PAX7: variants seen among roughly 807,000 people sequenced by gnomAD.
PAX7 encodes the protein paired box protein Pax-7.
A neutral mutation model predicts 50.7 loss-of-function variants in PAX7; 18 were observed. The observed-to-expected ratio is 0.36, with a 90% CI of 0.25 to 0.53. The LOEUF is 0.53. PAX7 is among the 20% of genes least tolerant of loss of function. PAX7 has a pLI of 0.93. For missense variants in PAX7, 644 were observed against 702.9 expected, an observed-to-expected ratio of 0.92 and a Z score of 0.95; for synonymous variants, 310 against 290.4, an observed-to-expected ratio of 1.07 and a Z score of -0.69.
chr1:18,732,510 C>T (rs557461126), intron 7 of PAX7, among the ~76,000 whole-genome samples: 1 of 152,278 alleles, frequency 6.6e-6, no homozygotes, highest in Non-Finnish European at 1.5e-5. Flanking sequence ...CATAGTAGCA[C>T]CCTATGAAAT....
At chr1:18,664,618 C>A (rs1031345503) in intron 4 of PAX7, among the ~76,000 whole-genome samples, 1 of 152,128 alleles carries the variant, frequency 6.6e-6, no homozygotes, top group Non-Finnish European at 1.5e-5. Context: ...ATGGGGAAAT[C>A]GAGAGGCTCA....
At position 18,745,139 on chromosome 1, in the gene PAX7, C is replaced by T. The variant is rs1019248828; in HGVS notation, c.*210C>T. On this transcript the variant is annotated 3_prime_UTR_variant, in exon 9 of 9. Coordinates refer to ENST00000420770, the MANE Select transcript of PAX7 (RefSeq NM_001135254.2). ...CAGAGTGATGCCCTTGGAGTCTGCT[C>T]CCCACTTTCCCCAAGGAGGGTTTCT... is the stretch of plus-strand genomic sequence containing the variant. The T allele has an allele frequency of 1.9e-5, 11 of 574,126 alleles. No individual in the cohort carries two copies. Among genetic ancestry groups the T allele is most frequent in the African/African-American group, 9.4e-5 (5 of 53,396 alleles). The allele number at this position is 574,126 out of a possible 1,614,324, so 35.6% of individuals were successfully genotyped here.
chr1:18,740,100 G>A lies in PAX7; in HGVS notation c.1402+4222G>A, dbSNP rs113857935. ...TTTGAGACATTTAGAGCCCAGCCACGGGCGCGAGGCAGAAGAGGGGAGATG... is the reference window on the plus strand; with the variant it reads ...TTTGAGACATTTAGAGCCCAGCCACAGGCGCGAGGCAGAAGAGGGGAGATG... On this transcript the variant is annotated intron_variant, in intron 8 of 8. Coordinates refer to ENST00000420770, the MANE Select transcript of PAX7 (RefSeq NM_001135254.2). Among the ~76,000 whole-genome samples, 1,291 of 152,286 alleles carry A rather than the reference G, an allele frequency of 8.5e-3. 13 individuals are homozygous for A. Among genetic ancestry groups the A allele is most frequent in the African/African-American group, 0.029 (1,191 of 41,544 alleles).
chr1:18,707,406 T>TCC (rs1343728573), intron 7 of PAX7, among the ~76,000 whole-genome samples: 1 of 102,664 alleles, frequency 9.7e-6, no homozygotes, highest in Non-Finnish European at 1.8e-5. Flanking sequence ...TCCTTTTCTT[T>TCC]TTTTCTTTCT....
chr1:18,708,556 AAATT>A (rs576689771), intron 7 of PAX7, among the ~76,000 whole-genome samples: 94 of 152,230 alleles, frequency 6.2e-4, no homozygotes, highest in Admixed American at 1.6e-3. Context: ...CCCTGTCTCA[AAATT>A]AATTAATTAA....
intron 4 of PAX7, among the ~76,000 whole-genome samples, chr1:18,680,079 T>G (rs971613565): frequency 6.6e-6 from 1 of 152,200 alleles, no homozygotes; most frequent in Non-Finnish European, 1.5e-5. Flanking sequence ...GTCCTCATTT[T>G]ACAGATGAGG....
intron 7 of PAX7, among the ~76,000 whole-genome samples, chr1:18,733,853 G>C (rs1390501109): frequency 6.6e-6 from 1 of 152,214 alleles, no homozygotes. Flanking sequence ...ACTGAGCCCT[G>C]GGCCTGCTGT....
chr1:18,689,946 T>C (rs948479316), intron 4 of PAX7, among the ~76,000 whole-genome samples: 1 of 152,084 alleles, frequency 6.6e-6, no homozygotes, highest in Non-Finnish European at 1.5e-5. Context: ...CTTGAAGCGA[T>C]TGGGAGGAAG....
intron 7 of PAX7, among the ~76,000 whole-genome samples, chr1:18,703,516 T>A (rs1017748483): frequency 9.9e-5 from 15 of 152,278 alleles, no homozygotes; most frequent in African/African-American, 3.4e-4. Context: ...GTCCTATTGG[T>A]GGAGAGAATT....
intron 7 of PAX7, among the ~76,000 whole-genome samples, chr1:18,725,311 CCG>C (rs1491407371): frequency 0.28 from 19,964 of 71,886 alleles, 2,909 homozygotes; most frequent in African/African-American, 0.49. Flanking sequence ...CGCCCCCCCC[CCG>C]CCCCACCAAC....
intron 5 of PAX7, among the ~76,000 whole-genome samples, chr1:18,697,058 TA>T (rs981043747): frequency 6.6e-6 from 1 of 151,616 alleles, no homozygotes; most frequent in African/African-American, 2.4e-5. Context: ...AACTAAAACT[TA>T]AAAAAAAGAT....
At chr1:18,704,389 G>A (rs1340525442) in intron 7 of PAX7, among the ~76,000 whole-genome samples, 2 of 152,216 alleles carry the variant, frequency 1.3e-5, no homozygotes, top group East Asian at 3.8e-4. Flanking sequence ...GGGAGGCCGA[G>A]GCGGGTGGAT....
intron 7 of PAX7, among the ~76,000 whole-genome samples, chr1:18,707,166 A>T (rs2089294366): frequency 6.6e-6 from 1 of 152,232 alleles, no homozygotes; most frequent in South Asian, 2.1e-4. Flanking sequence ...GAAGACCCTT[A>T]TATTGTCCTA....
chr1:18,728,527 C>T (rs2089607695), intron 7 of PAX7, among the ~76,000 whole-genome samples: 1 of 151,978 alleles, frequency 6.6e-6, no homozygotes, highest in Non-Finnish European at 1.5e-5. Flanking sequence ...TAGTGGCCGT[C>T]AAACTTGGCT....
intron 7 of PAX7, among the ~76,000 whole-genome samples, chr1:18,708,900 A>G (rs1408975691): frequency 2.6e-5 from 4 of 152,064 alleles, no homozygotes; most frequent in African/African-American, 9.7e-5. Context: ...CAGGTGGGGA[A>G]GACAGGCATC....
chr1:18,746,431 C>T lies in PAX7; in HGVS notation c.*1502C>T. 1 of 231,356 alleles carries T rather than the reference C, an allele frequency of 4.3e-6. No individual in the cohort carries two copies. The highest frequency in any genetic ancestry group is 8.6e-6 in the Non-Finnish European group (1 of 116,864). The allele number at this position is 231,356 out of a possible 1,614,324, so 14.3% of individuals were successfully genotyped here. ...ACCTTGGGAGGATGATTCAAACCCT[C>T]AATTCCTCCTCCCTGGGAACTTTTT... is the stretch of plus-strand genomic sequence containing the variant. On this transcript the variant is annotated 3_prime_UTR_variant, in exon 9 of 9. Coordinates refer to ENST00000420770, the MANE Select transcript of PAX7 (RefSeq NM_001135254.2).
chr1:18,738,255 C>T (rs1016479022), intron 8 of PAX7, among the ~76,000 whole-genome samples: 1 of 152,128 alleles, frequency 6.6e-6, no homozygotes, highest in East Asian at 1.9e-4. Flanking sequence ...ACCTCCTGAC[C>T]CAGCCCGTGT....
At chr1:18,728,831 C>T (rs1270307802) in intron 7 of PAX7, among the ~76,000 whole-genome samples, 1 of 151,864 alleles carries the variant, frequency 6.6e-6, no homozygotes, top group Non-Finnish European at 1.5e-5. Context: ...CACCATTGCA[C>T]TCCAGCCTGG....
At chr1:18,646,322 C>T (rs1557506762) in intron 4 of PAX7, among the ~76,000 whole-genome samples, 1 of 152,124 alleles carries the variant, frequency 6.6e-6, no homozygotes, top group Non-Finnish European at 1.5e-5. Flanking sequence ...ACAGGGGACA[C>T]AGAGAGGTTT....
Sources: allele counts gnomAD v4.1 joint callset (sites outside exome capture counted in the v4.1 genomes callset), GRCh38; gene constraint gnomAD v4.1.1; transcripts MANE v1.5; gene names NCBI Gene and HGNC (gene_info 2026-07-23, HGNC 2026-07-21).